The following VPS36 variants were observed in gnomAD, a reference collection of about 807,000 sequenced individuals.
VPS36 encodes vacuolar protein sorting 36 homolog, also known as vacuolar protein-sorting-associated protein 36.
VPS36 carries 31 observed loss-of-function variants against 63.5 expected under a neutral mutation model. The observed-to-expected ratio is 0.49, with a 90% CI of 0.37 to 0.66. The LOEUF is 0.66. VPS36 is among the 30% of genes least tolerant of loss of function. The pLI, the probability that VPS36 is intolerant of heterozygous loss-of-function variation, is 0.00. For synonymous variants in VPS36, 138 were observed against 157.2 expected (o/e 0.88, Z 0.91); for missense variants, 338 against 463.7 (o/e 0.73, Z 2.49).
At chr13:52,440,020 C>G (rs1371045280) in intron 2 of VPS36, among the ~76,000 whole-genome samples, 1 of 151,252 alleles carries the variant, frequency 6.6e-6, no homozygotes, top group East Asian at 1.9e-4. Context: ...GCTCTGTTGC[C>G]CAAGCTGGAG....
chr13:52,443,443 G>A (rs1958302079), intron 1 of VPS36, among the ~76,000 whole-genome samples: 1 of 152,114 alleles, frequency 6.6e-6, no homozygotes. Flanking sequence ...AAGAGGAAGA[G>A]ACAGGAGGGC....
At chr13:52,443,896 T>C (rs536841708) in intron 1 of VPS36, among the ~76,000 whole-genome samples, 7 of 152,194 alleles carry the variant, frequency 4.6e-5, no homozygotes, top group Admixed American at 4.6e-4. Context: ...AAGATATATA[T>C]TGGAAGCTAT....
At chr13:52,431,896 A>G (rs1273343350) in intron 6 of VPS36, among the ~76,000 whole-genome samples, 2 of 152,110 alleles carry the variant, frequency 1.3e-5, no homozygotes, top group African/African-American at 2.4e-5. Context: ...AAGCTAGCAA[A>G]GTTCACCTAG....
intron 4 of VPS36, 62 bp downstream of exon 4, chr13:52,436,218 AACACACACAC>A (rs150816705): frequency 4.8e-5 from 31 of 643,932 alleles, no homozygotes; most frequent in Admixed American, 1.7e-4. Flanking sequence ...AACAAGCCAC[AACACACACAC>A]ACACACACAC....
chr13:52,450,376 C>T, intron 1 of VPS36, 123 bp downstream of exon 1: 1 of 1,245,162 alleles, frequency 8.0e-7, no homozygotes, highest in South Asian at 2.7e-5. Context: ...CCTGCCGGGC[C>T]GCCGAGGGCC....
chr13:52,447,694 C>G (rs896931514), intron 1 of VPS36, among the ~76,000 whole-genome samples: 1 of 152,174 alleles, frequency 6.6e-6, no homozygotes, highest in Admixed American at 6.5e-5. Context: ...CAGCTATCAC[C>G]TGTGGGGTCT....
At chr13:52,437,748 G>A (rs1445794458) in intron 3 of VPS36, among the ~76,000 whole-genome samples, 2 of 152,028 alleles carry the variant, frequency 1.3e-5, no homozygotes, top group Non-Finnish European at 2.9e-5. Flanking sequence ...GGCTAACACG[G>A]TGAAACCCCG....
intron 1 of VPS36, among the ~76,000 whole-genome samples, chr13:52,443,919 C>G (rs957607420): frequency 1.3e-5 from 2 of 152,040 alleles, no homozygotes; most frequent in African/African-American, 4.8e-5. Context: ...ACTCGAGTTA[C>G]CAGAAAGTGG....
At chr13:52,416,243 A>C (rs544717578) in intron 12 of VPS36, 150 bp from the exon 13 acceptor site, 1 of 747,682 alleles carries the variant, frequency 1.3e-6, no homozygotes, top group Non-Finnish European at 2.1e-6. Context: ...GAACATTCAC[A>C]CTATAACTAA....
At chr13:52,428,848 C>A (rs1362069227) in intron 6 of VPS36, among the ~76,000 whole-genome samples, 3 of 151,724 alleles carry the variant, frequency 2.0e-5, no homozygotes, top group Admixed American at 1.3e-4. Flanking sequence ...AGCTGAGAGT[C>A]CACAAAGAAT....
intron 1 of VPS36, among the ~76,000 whole-genome samples, chr13:52,445,638 C>CA (rs1260034533): frequency 0.034 from 1,240 of 36,658 alleles, 39 homozygotes; most frequent in East Asian, 0.16. Context: ...GACTCCGTCT[C>CA]AAAAAAAAAA....
intron 6 of VPS36, chr13:52,429,091 T>G: frequency 6.0e-6 from 1 of 166,672 alleles, no homozygotes; most frequent in Non-Finnish European, 1.2e-5. Context: ...ATCCATTCTA[T>G]AATTGCATCT....
chr13:52,450,396 G>A (rs1594128079), intron 1 of VPS36, 103 bp downstream of exon 1: 1 of 1,328,658 alleles, frequency 7.5e-7, no homozygotes, highest in Admixed American at 4.0e-5. Context: ...CGTGAGCTAA[G>A]CCGGGGACCG....
intron 8 of VPS36, 121 bp downstream of exon 8, chr13:52,426,864 TAAAC>T (rs761422709): frequency 1.2e-4 from 76 of 637,480 alleles, no homozygotes; most frequent in Non-Finnish European, 1.8e-4. Context: ...CATAAATAAA[TAAAC>T]AATAAATAAA....
Position 52,415,776 on chromosome 13 carries a change from C to T in VPS36, c.*54G>A. The T allele has an allele frequency of 6.5e-7, 1 of 1,528,106 alleles. No individual in the cohort carries two copies. Among genetic ancestry groups the T allele is most frequent in the Admixed American group, 1.7e-5 (1 of 57,306 alleles). The allele number at this position is 1,528,106 out of a possible 1,614,324, so 94.7% of individuals were successfully genotyped here. On this transcript the variant is annotated 3_prime_UTR_variant, in exon 14 of 14. Transcript: ENST00000378060. ...GTTTATCTCTTAGCTCAATGTCATA[C>T]AACCTCTACATGACGCAAGCATATG...
chr13:52,446,344 T>A (rs1198840923), intron 1 of VPS36, among the ~76,000 whole-genome samples: 2 of 152,170 alleles, frequency 1.3e-5, no homozygotes, highest in Admixed American at 1.3e-4. Flanking sequence ...GTTATCTTAC[T>A]GAAATCCAAG....
intron 1 of VPS36, among the ~76,000 whole-genome samples, chr13:52,446,055 C>G (rs1958339064): frequency 6.7e-6 from 1 of 148,808 alleles, no homozygotes; most frequent in South Asian, 2.1e-4. Context: ...TCAAGACCAG[C>G]CTGACCAACA....
chr13:52,419,967 G>A (rs1958030023), intron 10 of VPS36, among the ~76,000 whole-genome samples: 1 of 152,106 alleles, frequency 6.6e-6, no homozygotes, highest in Non-Finnish European at 1.5e-5. Flanking sequence ...GAGGCCAGAT[G>A]CAGTGGCCCA....
At chr13:52,422,730 T>C (rs1232623599) in intron 10 of VPS36, among the ~76,000 whole-genome samples, 39 of 152,366 alleles carry the variant, frequency 2.6e-4, no homozygotes, top group Non-Finnish European at 8.8e-5. Flanking sequence ...AAGAATTATC[T>C]TGCTCTTTTT....
Sources: gnomAD v4.1 joint callset for allele counts (sites outside exome capture counted in the v4.1 genomes callset) on GRCh38, gnomAD v4.1.1 for gene constraint, MANE v1.5 for transcripts, NCBI Gene and HGNC (gene_info 2026-07-23, HGNC 2026-07-21) for gene names.